Variants in KCNB2 observed in about 807,000 individuals in gnomAD.
KCNB2 encodes delayed rectifier potassium channel protein.
Under a neutral mutation model 61.5 loss-of-function variants are expected in KCNB2, and 15 were observed. The observed-to-expected ratio is 0.24, with a 90% CI of 0.16 to 0.38. The LOEUF is 0.38. KCNB2 is among the 10% of genes least tolerant of loss of function. The probability of loss-of-function intolerance (pLI) is 1.00; values close to 1 mark genes in which losing one functional copy is unlikely to be tolerated. For synonymous variants in KCNB2, 457 were observed against 446.0 expected, an observed-to-expected ratio of 1.02 and a Z score of -0.31; for missense variants, 828 against 1,125.2, an observed-to-expected ratio of 0.74 and a Z score of 3.78.
intron 2 of KCNB2, among the ~76,000 whole-genome samples, chr8:72,894,144 A>G (rs1239423296): frequency 6.6e-6 from 1 of 152,204 alleles, no homozygotes; most frequent in African/African-American, 2.4e-5. Flanking sequence ...ATGTAACCTG[A>G]GATCCAAATG....
intron 2 of KCNB2, among the ~76,000 whole-genome samples, chr8:72,778,397 G>A (rs925097672): frequency 6.6e-6 from 1 of 151,886 alleles, no homozygotes; most frequent in African/African-American, 2.4e-5. Context: ...TCTTTATTGG[G>A]GGAATATTAA....
At chr8:72,655,293 T>G (rs181998548) in intron 2 of KCNB2, among the ~76,000 whole-genome samples, 230 of 152,108 alleles carry the variant, frequency 1.5e-3, no homozygotes, top group Non-Finnish European at 2.7e-3. Context: ...GAGGGCCTAC[T>G]TGAGGGTGGG....
chr8:72,725,581 A>G (rs1172131154), intron 2 of KCNB2, among the ~76,000 whole-genome samples: 1 of 90,356 alleles, frequency 1.1e-5, no homozygotes, highest in African/African-American at 6.2e-5. Flanking sequence ...ATATGTATAT[A>G]TATATGTATG....
At chr8:72,568,664 C>T (rs1284274423) in intron 2 of KCNB2, among the ~76,000 whole-genome samples, 1 of 152,064 alleles carries the variant, frequency 6.6e-6, no homozygotes, top group Non-Finnish European at 1.5e-5. Context: ...TTGTGGAAGA[C>T]GAGGGCCTGA....
chr8:72,856,916 C>T (rs1810216673), intron 2 of KCNB2, among the ~76,000 whole-genome samples: 2 of 152,138 alleles, frequency 1.3e-5, no homozygotes, highest in Non-Finnish European at 2.9e-5. Flanking sequence ...ACAAAGTATC[C>T]TGCCCCCCTT....
At chr8:72,586,652 A>G (rs1347327073) in intron 2 of KCNB2, among the ~76,000 whole-genome samples, 1 of 152,194 alleles carries the variant, frequency 6.6e-6, no homozygotes, top group African/African-American at 2.4e-5. Flanking sequence ...GGGTGCTCTC[A>G]TTCTTACTTT....
intron 2 of KCNB2, among the ~76,000 whole-genome samples, chr8:72,636,049 G>A (rs1010833839): frequency 1.3e-5 from 2 of 152,118 alleles, no homozygotes; most frequent in African/African-American, 2.4e-5. Context: ...ACGGTGCATG[G>A]CATTTATAAA....
intron 2 of KCNB2, among the ~76,000 whole-genome samples, chr8:72,826,458 C>T (rs893997244): frequency 1.3e-5 from 2 of 152,114 alleles, no homozygotes; most frequent in Non-Finnish European, 1.5e-5. Context: ...GAGAAGGCTG[C>T]GGGGGATAAG....
intron 2 of KCNB2, among the ~76,000 whole-genome samples, chr8:72,637,103 A>C (rs971621431): frequency 2.6e-5 from 4 of 152,142 alleles, no homozygotes; most frequent in Non-Finnish European, 4.4e-5. Context: ...GGCATGCTTC[A>C]TAGGTTTTGG....
At chr8:72,812,000 G>A (rs1563392220) in intron 2 of KCNB2, among the ~76,000 whole-genome samples, 1 of 152,152 alleles carries the variant, frequency 6.6e-6, no homozygotes, top group African/African-American at 2.4e-5. Context: ...CATGGCTCAC[G>A]CCTGTAATCC....
chr8:72,724,257 T>A (rs1187400445), intron 2 of KCNB2, among the ~76,000 whole-genome samples: 2 of 152,230 alleles, frequency 1.3e-5, no homozygotes, highest in East Asian at 1.9e-4. Flanking sequence ...GAGTGAGTGG[T>A]TATGGCCAGG....
intron 2 of KCNB2, among the ~76,000 whole-genome samples, chr8:72,701,891 T>C (rs1390442660): frequency 2.0e-5 from 3 of 152,190 alleles, no homozygotes; most frequent in Non-Finnish European, 2.9e-5. Context: ...TACTTTTTCA[T>C]ATAGAATAGA....
intron 2 of KCNB2, among the ~76,000 whole-genome samples, chr8:72,573,794 C>T (rs536225698): frequency 5.3e-5 from 8 of 152,280 alleles, no homozygotes; most frequent in African/African-American, 1.9e-4. Flanking sequence ...GTGCTCTCCT[C>T]TACATTGAGG....
intron 2 of KCNB2, among the ~76,000 whole-genome samples, chr8:72,693,856 C>G (rs1229309721): frequency 1.3e-5 from 2 of 152,196 alleles, no homozygotes. Flanking sequence ...TAAAAATCAG[C>G]AAATTATCCT....
At chr8:72,555,545 A>G (rs957013442) in intron 1 of KCNB2, among the ~76,000 whole-genome samples, 1 of 151,826 alleles carries the variant, frequency 6.6e-6, no homozygotes, top group Non-Finnish European at 1.5e-5. Flanking sequence ...AAGCTGAAAA[A>G]CAGTGCTTTA....
intron 2 of KCNB2, among the ~76,000 whole-genome samples, chr8:72,915,813 G>A (rs1806388419): frequency 6.6e-6 from 1 of 152,178 alleles, no homozygotes; most frequent in Non-Finnish European, 1.5e-5. Flanking sequence ...CAGCTACTCA[G>A]GAGGCTGAGG....
chr8:72,890,651 T>G (rs1303365421), intron 2 of KCNB2, among the ~76,000 whole-genome samples: 1 of 152,210 alleles, frequency 6.6e-6, no homozygotes, highest in Admixed American at 6.5e-5. Context: ...GGGGGCATTA[T>G]TTTATTGAAT....
intron 2 of KCNB2, among the ~76,000 whole-genome samples, chr8:72,799,400 C>T (rs1170686125): frequency 3.3e-5 from 4 of 122,044 alleles, no homozygotes; most frequent in African/African-American, 8.3e-5. Flanking sequence ...TGTTCAAGAG[C>T]ACATTATTAT....
intron 1 of KCNB2, among the ~76,000 whole-genome samples, chr8:72,545,236 A>AG (rs1445733765): frequency 6.6e-6 from 1 of 152,142 alleles, no homozygotes; most frequent in Non-Finnish European, 1.5e-5. Context: ...TTGTACTAAA[A>AG]GGCAAGTTAT....
Sources: gnomAD v4.1 joint callset for allele counts (sites outside exome capture counted in the v4.1 genomes callset) on GRCh38, gnomAD v4.1.1 for gene constraint, MANE v1.5 for transcripts, NCBI Gene and HGNC (gene_info 2026-07-23, HGNC 2026-07-21) for gene names.